The following GPR141 variants were observed in gnomAD, a reference collection of about 807,000 sequenced individuals.
The protein encoded by GPR141 is G protein-coupled receptor 141.
A neutral mutation model predicts 6.8 loss-of-function variants in GPR141; 6 were observed. The ratio of observed to expected loss-of-function variants is 0.88; its 90% CI spans 0.48 to 1.74. GPR141 has a LOEUF of 1.74. GPR141 is among the 40% of genes most tolerant of loss of function. GPR141 has a pLI of 0.01. For missense variants in GPR141, 372 were observed against 372.9 expected (o/e 1.00, Z 0.02); for synonymous variants, 140 against 142.3 (o/e 0.98, Z 0.11).
At chr7:37,731,718 C>T (rs1345319433) in intron 2 of GPR141, among the ~76,000 whole-genome samples, 1 of 152,220 alleles carries the variant, frequency 6.6e-6, no homozygotes, top group Non-Finnish European at 1.5e-5. Flanking sequence ...TCCCGAAGTG[C>T]GGGGATTACA....
At chr7:37,710,101 A>G (rs1810719116) in intron 2 of GPR141, among the ~76,000 whole-genome samples, 1 of 152,184 alleles carries the variant, frequency 6.6e-6, no homozygotes, top group African/African-American at 2.4e-5. Flanking sequence ...CACAGGCAAC[A>G]TTTCCTTTTG....
At chr7:37,719,680 C>G (rs530405270) in intron 2 of GPR141, among the ~76,000 whole-genome samples, 1 of 152,074 alleles carries the variant, frequency 6.6e-6, no homozygotes, top group East Asian at 1.9e-4. Flanking sequence ...TTAGAATGTA[C>G]AGTTCATAGG....
At position 37,720,465 on chromosome 7, in the gene GPR141, G is replaced by A. The variant is rs548132838; in HGVS notation, c.-14-19915G>A. 5.3e-5 allele frequency among the ~76,000 whole-genome samples: 8 copies of A among 152,300 alleles called. No individual in the cohort carries two copies. In the East Asian group the frequency reaches 7.7e-4, roughly 15 times the overall value. On this transcript the variant is annotated intron_variant, in intron 2 of 2. Coordinates refer to ENST00000334425, the MANE Select transcript of GPR141 (RefSeq NM_001381946.1). ...TTCAAAAAGGAAAAGAAATTAGGCC[G>A]GCACCATGGCTCATGCCTGTAATCC...
chr7:37,735,755 T>G (rs529727753), intron 2 of GPR141, among the ~76,000 whole-genome samples: 1 of 152,162 alleles, frequency 6.6e-6, no homozygotes, highest in Non-Finnish European at 1.5e-5. Flanking sequence ...TCTATAAATG[T>G]TCTTGACGAG....
intron 2 of GPR141, among the ~76,000 whole-genome samples, chr7:37,717,426 T>C (rs1562779860): frequency 6.6e-6 from 1 of 152,178 alleles, no homozygotes; most frequent in Non-Finnish European, 1.5e-5. Flanking sequence ...AGTCAAAATC[T>C]AGGTGGAGGT....
chr7:37,706,154 T>C (rs1810512326), intron 2 of GPR141, among the ~76,000 whole-genome samples: 1 of 152,184 alleles, frequency 6.6e-6, no homozygotes, highest in South Asian at 2.1e-4. Flanking sequence ...ACAAAAATAA[T>C]GGCTTCTCTT....
At chr7:37,739,783 G>C (rs1357933356) in intron 2 of GPR141, among the ~76,000 whole-genome samples, 1 of 152,092 alleles carries the variant, frequency 6.6e-6, no homozygotes, top group African/African-American at 2.4e-5. Flanking sequence ...GCTTAGCAAG[G>C]CCTCACTCAC....
At chr7:37,724,760 C>G (rs552481527) in intron 2 of GPR141, among the ~76,000 whole-genome samples, 9 of 152,198 alleles carry the variant, frequency 5.9e-5, no homozygotes, top group South Asian at 2.1e-4. Context: ...TCAGAACAAC[C>G]TGTGATGCCT....
Position 37,740,615 on chromosome 7 carries a change from C to T in GPR141, c.222C>T (p.Thr74=), listed in dbSNP as rs765707785. The change falls in exon 3 of 3, where the codon ACC becomes ACT. Residue 74 remains threonine (T), a synonymous_variant. Transcript: ENST00000334425. ...VFLLTVPFRL[T]YLIKKTWMFG... ...TGCTGACAGTGCCATTTCGCTTGAC[C>T]TACCTCATCAAGAAGACTTGGATGT... is the stretch of plus-strand genomic sequence containing the variant. 1.2e-6 allele frequency: 2 copies of T among 1,614,088 alleles called. No individual in the cohort carries two copies. Among genetic ancestry groups the T allele is most frequent in the Admixed American group, 1.7e-5 (1 of 60,000 alleles).
chr7:37,740,822 G>A lies in GPR141; in HGVS notation c.429G>A (p.Val143=). The A allele has an allele frequency of 6.2e-7, 1 of 1,614,182 alleles. No individual in the cohort carries two copies. Among genetic ancestry groups the A allele is most frequent in the South Asian group, 1.1e-5 (1 of 91,086 alleles). ...CCAGTGCTGGCATGTGGACGCTGGT[G>A]ATTGTCATTGTGGTACCCCTGGTTG... ...VAASAGMWTL[V]IVIVVPLVVS... The change falls in exon 3 of 3, where the codon GTG becomes GTA. Residue 143 remains valine (V), a synonymous_variant. Coordinates refer to ENST00000334425, the MANE Select transcript of GPR141 (RefSeq NM_001381946.1).
intron 2 of GPR141, among the ~76,000 whole-genome samples, chr7:37,729,305 G>C (rs1345167390): frequency 6.6e-6 from 1 of 152,222 alleles, no homozygotes; most frequent in Non-Finnish European, 1.5e-5. Flanking sequence ...GAGGTAAAGA[G>C]GGGATCCTCA....
At chr7:37,702,451 C>T (rs921495596) in intron 2 of GPR141, among the ~76,000 whole-genome samples, 1 of 151,202 alleles carries the variant, frequency 6.6e-6, no homozygotes, top group African/African-American at 2.4e-5. Context: ...TTTACTAGTT[C>T]GGAAGATATA....
intron 2 of GPR141, among the ~76,000 whole-genome samples, chr7:37,712,588 G>GT (rs1810855676): frequency 6.6e-6 from 1 of 152,144 alleles, no homozygotes; most frequent in Non-Finnish European, 1.5e-5. Context: ...AAGGCCTTTT[G>GT]TTTTTAAGCA....
At chr7:37,737,670 G>GA (rs1812311203) in intron 2 of GPR141, among the ~76,000 whole-genome samples, 1 of 152,004 alleles carries the variant, frequency 6.6e-6, no homozygotes, top group African/African-American at 2.4e-5. Context: ...GTGGCCCAGG[G>GA]AAGCCAAAAG....
At chr7:37,689,319 T>C (rs1236123915) in intron 2 of GPR141, among the ~76,000 whole-genome samples, 1 of 152,140 alleles carries the variant, frequency 6.6e-6, no homozygotes, top group African/African-American at 2.4e-5. Flanking sequence ...TTTTTGCATC[T>C]GTGCTCATCA....
chr7:37,729,807 A>T (rs1291007704), intron 2 of GPR141: 1 of 152,238 alleles, frequency 6.6e-6, no homozygotes. Flanking sequence ...AGTAGCATCA[A>T]CAAATAACTG....
chr7:37,735,391 G>A (rs1220895198), intron 2 of GPR141, among the ~76,000 whole-genome samples: 1 of 152,164 alleles, frequency 6.6e-6, no homozygotes, highest in Non-Finnish European at 1.5e-5. Flanking sequence ...TAAAACAGCT[G>A]AAAAATATAG....
intron 2 of GPR141, among the ~76,000 whole-genome samples, chr7:37,730,892 G>A (rs938039363): frequency 6.6e-6 from 1 of 152,234 alleles, no homozygotes; most frequent in East Asian, 1.9e-4. Context: ...TTTCAAGGTT[G>A]TTAAGCTTTG....
intron 2 of GPR141, among the ~76,000 whole-genome samples, chr7:37,736,627 A>G (rs1050495696): frequency 4.6e-5 from 7 of 152,186 alleles, no homozygotes; most frequent in Admixed American, 1.3e-4. Context: ...GATGAAAGGC[A>G]AGAGACAATG....
Sources: gnomAD v4.1 joint callset for allele counts (sites outside exome capture counted in the v4.1 genomes callset) on GRCh38, gnomAD v4.1.1 for gene constraint, MANE v1.5 for transcripts, NCBI Gene and HGNC (gene_info 2026-07-23, HGNC 2026-07-21) for gene names.